Variants in ZNF510 observed in about 807,000 individuals in gnomAD.
ZNF510 encodes the protein zinc finger protein 510.
Under a neutral mutation model 18.1 loss-of-function variants are expected in ZNF510, and 15 were observed. That is an observed-to-expected ratio of 0.83 (90% CI 0.55 to 1.28). ZNF510 has a LOEUF of 1.28. ZNF510 is among the 50% of genes most tolerant of loss of function. The pLI is 0.00. For missense variants in ZNF510, 724 were observed against 791.8 expected (o/e 0.91, Z 1.03); for synonymous variants, 261 against 266.4 (o/e 0.98, Z 0.20).
At chr9:96,775,871 G>A in intron 2 of ZNF510, 129 bp downstream of exon 2, 1 of 1,199,336 alleles carries the variant, frequency 8.3e-7, no homozygotes, top group Non-Finnish European at 1.2e-6. Flanking sequence ...TCTATGAGGA[G>A]GATTAGAGAC....
rs796741859 is a variant in ZNF510, at chr9:96,754,624, C to T, written c.*4154G>A. The stretch of plus-strand genomic sequence containing the variant: ...CAAAGATCTGAAGAACAGTTCTGTA[C>T]ACTTCTGAAGATTAAGAACAAGTTT... On this transcript the variant is annotated 3_prime_UTR_variant, in exon 6 of 6. Transcript: ENST00000223428. Among the ~76,000 whole-genome samples, 12 of 152,246 alleles carry T rather than the reference C, an allele frequency of 7.9e-5. No individual in the cohort carries two copies. The highest frequency in any genetic ancestry group is 2.9e-4 in the African/African-American group (12 of 41,560).
chr9:96,766,333 CACT>C (rs1044075777), intron 3 of ZNF510, among the ~76,000 whole-genome samples: 2 of 145,958 alleles, frequency 1.4e-5, no homozygotes, highest in Admixed American at 6.9e-5. Flanking sequence ...TCCAGCTCAC[CACT>C]ACTATTTTTT....
chr9:96,759,528 A>G lies in ZNF510; in HGVS notation c.1302T>C (p.Cys434=), dbSNP rs1849287392. Residue 434 remains cysteine, a synonymous_variant, in exon 6 of 6, where the codon TGT becomes TGC. Transcript: ENST00000223428. ...GGGAGAAAGTTTTTCCACATTCACT[A>G]CATTCAAATGGTTTCTCTCCTGTGT... The part of the protein sequence containing the change: ...RTHTGEKPFE[C]SECGKTFSQK... 6.2e-7 allele frequency: 1 copy of G among 1,614,058 alleles called. No individual in the cohort carries two copies. The highest frequency in any genetic ancestry group is 1.3e-5 in the African/African-American group (1 of 75,030).
intron 5 of ZNF510, among the ~76,000 whole-genome samples, chr9:96,761,366 T>C (rs1290914829): frequency 6.6e-6 from 1 of 152,234 alleles, no homozygotes; most frequent in Non-Finnish European, 1.5e-5. Flanking sequence ...ATGCCTATCC[T>C]TGACAGGTCA....
At chr9:96,766,001 C>T (rs905607767) in intron 3 of ZNF510, among the ~76,000 whole-genome samples, 2 of 152,068 alleles carry the variant, frequency 1.3e-5, no homozygotes, top group African/African-American at 4.8e-5. Context: ...AATAAGGTGT[C>T]TTTATGCAGA....
At position 96,776,248 on chromosome 9, in the gene ZNF510, G is replaced by T. The variant is rs1849701075; in HGVS notation, c.-176-3C>A. 1 of 1,206,020 alleles carries T rather than the reference G, an allele frequency of 8.3e-7. No homozygotes were observed. Among genetic ancestry groups the T allele is most frequent in the Non-Finnish European group, 1.1e-6 (1 of 917,580 alleles). 74.7% of individuals were successfully genotyped at this position (1,206,020 alleles called of 1,614,324 possible). A position where few individuals can be genotyped will look rare whatever the true frequency, so the allele number is the denominator to read the frequency against. ...CTGTTCCTGGGGCTCCCTCCTTCCT[G>T]CAACATAAAGAGCTGCTTTGCTCCA... On this transcript the variant is annotated splice_region_variant and splice_polypyrimidine_tract_variant and intron_variant, in intron 1 of 5. Transcript: ENST00000223428.
intron 5 of ZNF510, among the ~76,000 whole-genome samples, chr9:96,762,369 T>C (rs28731317): frequency 0.059 from 8,963 of 151,032 alleles, 873 homozygotes; most frequent in African/African-American, 0.2. Flanking sequence ...ATTGGCTGGG[T>C]GTGGTGGCAG....
chr9:96,769,700 A>G (rs1849546892), intron 3 of ZNF510, among the ~76,000 whole-genome samples: 1 of 152,242 alleles, frequency 6.6e-6, no homozygotes, highest in South Asian at 2.1e-4. Context: ...TCTAGTAGCC[A>G]GAATACATAA....
chr9:96,766,197 A>T (rs1441856304), intron 3 of ZNF510, among the ~76,000 whole-genome samples: 1 of 152,170 alleles, frequency 6.6e-6, no homozygotes, highest in East Asian at 1.9e-4. Flanking sequence ...TAGAAATGAG[A>T]TATCAATCTA....
At chr9:96,773,736 C>T (rs10978917) in intron 3 of ZNF510, among the ~76,000 whole-genome samples, 4,005 of 152,162 alleles carry the variant, frequency 0.026, 185 homozygotes, top group East Asian at 0.23. Context: ...CCACCACGCC[C>T]GGCTAATTTT....
intron 3 of ZNF510, among the ~76,000 whole-genome samples, chr9:96,771,146 T>C (rs1220017111): frequency 6.6e-6 from 1 of 152,176 alleles, no homozygotes; most frequent in Non-Finnish European, 1.5e-5. Context: ...GAGAATATAA[T>C]GTTGACGCCA....
Position 96,777,372 on chromosome 9 carries a change from G to A in ZNF510, c.-177+662C>T, listed in dbSNP as rs555784907. 7.2e-5 allele frequency among the ~76,000 whole-genome samples: 11 copies of A among 152,304 alleles called. No homozygotes were observed. In the South Asian group the frequency reaches 2.1e-3, roughly 29 times the overall value. ...TCGGGGAGTAAAGTGTTTATGTATT[G>A]ACATCCTAGCTCTCTCATCCTTTGT... is the stretch of plus-strand genomic sequence containing the variant. On this transcript the variant is annotated intron_variant, in intron 1 of 5. Transcript: ENST00000223428.
In ZNF510 at chr9:96,757,017, A is replaced by G. The variant is rs755403716; in HGVS notation, c.*1761T>C. On this transcript the variant is annotated 3_prime_UTR_variant, in exon 6 of 6. Transcript: ENST00000223428. ...AACTGTAGTATACTCTACTGGCCCA[A>G]AGTACCTCACCCATAAAGTTATTAA... 1.3e-5 allele frequency: 2 copies of G among 152,242 alleles called. No individual in the cohort carries two copies. The highest frequency in any genetic ancestry group is 2.9e-5 in the Non-Finnish European group (2 of 68,048). 9.4% of individuals were successfully genotyped at this position (152,242 alleles called of 1,614,324 possible).
At chr9:96,771,090 C>A (rs1564440891) in intron 3 of ZNF510, among the ~76,000 whole-genome samples, 1 of 152,164 alleles carries the variant, frequency 6.6e-6, no homozygotes, top group East Asian at 1.9e-4. Context: ...ATCTTAAACT[C>A]ATTCAGAGAA....
Position 96,760,418 on chromosome 9 carries a change from C to A in ZNF510, c.412G>T (p.Glu138Ter). 1 of 1,612,842 alleles carries A rather than the reference C, an allele frequency of 6.2e-7. No individual in the cohort carries two copies. Among genetic ancestry groups the A allele is most frequent in the South Asian group, 1.1e-5 (1 of 90,896 alleles). The change falls in exon 6 of 6, where the codon GAG becomes TAG. Residue 138 changes from glutamate (E) to a stop codon, truncating the protein, a stop_gained. Transcript: ENST00000223428. LOFTEE classifies it low-confidence loss of function (END_TRUNC). ...QNKKIKDKHL[E>*]QAICINNKTL... ...TTATTATTGATACATATTGCTTGCT[C>A]CAAGTGTTTGTCTTTGATTTTCTTG...
At chr9:96,768,742 A>T (rs10114888) in intron 3 of ZNF510, among the ~76,000 whole-genome samples, 9,045 of 152,220 alleles carry the variant, frequency 0.059, 888 homozygotes, top group African/African-American at 0.2. Flanking sequence ...GAAGATTTAA[A>T]ATTGTTAAGA....
At chr9:96,768,660 A>C (rs1849525666) in intron 3 of ZNF510, among the ~76,000 whole-genome samples, 1 of 152,212 alleles carries the variant, frequency 6.6e-6, no homozygotes, top group Admixed American at 6.5e-5. Context: ...TTATACGTGA[A>C]CACTAGAAAA....
At chr9:96,774,327 CTG>C (rs1051899431) in intron 3 of ZNF510, among the ~76,000 whole-genome samples, 5 of 151,544 alleles carry the variant, frequency 3.3e-5, no homozygotes, top group East Asian at 3.9e-4. Context: ...AACTGAAAAA[CTG>C]TATTAATAAA....
chr9:96,763,458 A>G, intron 4 of ZNF510, 48 bp downstream of exon 4: 1 of 1,551,458 alleles, frequency 6.4e-7, no homozygotes, highest in Non-Finnish European at 8.7e-7. Flanking sequence ...TAAAAAAGAA[A>G]TACCTTCTAT....
Sources: allele counts gnomAD v4.1 joint callset (sites outside exome capture counted in the v4.1 genomes callset), GRCh38; gene constraint gnomAD v4.1.1; transcripts MANE v1.5; gene names NCBI Gene and HGNC (gene_info 2026-07-23, HGNC 2026-07-21).